Variants in GRIK3 observed in about 807,000 individuals in gnomAD.
GRIK3 encodes the protein glutamate ionotropic receptor kainate type subunit 3.
GRIK3 carries 29 observed loss-of-function variants against 102.5 expected under a neutral mutation model. That is an observed-to-expected ratio of 0.28 (90% CI 0.21 to 0.39). GRIK3 has a LOEUF of 0.39. Among genes scored for constraint, GRIK3 ranks in the 10% least tolerant of loss-of-function variants. The probability of loss-of-function intolerance (pLI) is 1.00; values close to 1 mark genes in which losing one functional copy is unlikely to be tolerated. For synonymous variants in GRIK3, 511 were observed against 504.9 expected (o/e 1.01, Z -0.16); for missense variants, 908 against 1,252.4 (o/e 0.73, Z 4.15).
chr1:36,864,876 C>A (rs1460761709), intron 5 of GRIK3, among the ~76,000 whole-genome samples: 1 of 151,628 alleles, frequency 6.6e-6, no homozygotes, highest in African/African-American at 2.4e-5. Flanking sequence ...CTGCCCAGGG[C>A]CAAGACCCCA....
rs1641691100 is a variant in GRIK3, at chr1:36,939,107, C to T, written c.116-48011G>A. On this transcript the variant is annotated intron_variant, in intron 1 of 15. Coordinates refer to ENST00000373091, the MANE Select transcript of GRIK3 (RefSeq NM_000831.4). ...GAGTCAGTAAATATCACTACTGACA[C>T]ATCAGCTACTTGATACGAGGCTTCT... Among the ~76,000 whole-genome samples, 4 of 152,204 alleles carry T rather than the reference C, an allele frequency of 2.6e-5. No homozygotes were observed. In the South Asian group the frequency reaches 8.3e-4, roughly 32 times the overall value.
intron 1 of GRIK3, among the ~76,000 whole-genome samples, chr1:36,905,802 A>G (rs546413228): frequency 6.6e-6 from 1 of 152,330 alleles, no homozygotes; most frequent in African/African-American, 2.4e-5. Context: ...ACACACAAAA[A>G]ACAAAAAAAG....
rs140018333 is a variant in GRIK3, at chr1:36,810,019, C to T, written c.2092-3693G>A. 6.9e-3 allele frequency among the ~76,000 whole-genome samples: 1,051 copies of T among 152,292 alleles called. 7 individuals carry two copies. The highest frequency in any genetic ancestry group is 0.031 in the Middle Eastern group (9 of 294). ...GGTCCCCACTGTCCTTGTCTTCTGTCTTGGGGCCCCCCTTCTCAACCCCAT... is the reference window on the plus strand; with the variant it reads ...GGTCCCCACTGTCCTTGTCTTCTGTTTTGGGGCCCCCCTTCTCAACCCCAT... On this transcript the variant is annotated intron_variant, in intron 13 of 15. Transcript: ENST00000373091.
chr1:36,824,222 C>A (rs1642728421), intron 11 of GRIK3, among the ~76,000 whole-genome samples: 1 of 152,132 alleles, frequency 6.6e-6, no homozygotes, highest in Non-Finnish European at 1.5e-5. Context: ...GGGGATGGGA[C>A]ACACATCAAA....
At chr1:36,814,487 G>A (rs1642598445) in intron 13 of GRIK3, among the ~76,000 whole-genome samples, 1 of 148,788 alleles carries the variant, frequency 6.7e-6, no homozygotes, top group African/African-American at 2.5e-5. Flanking sequence ...ATGCATGCAT[G>A]GACCATTATA....
intron 1 of GRIK3, among the ~76,000 whole-genome samples, chr1:36,925,139 A>G (rs1241539846): frequency 6.6e-6 from 1 of 152,216 alleles, no homozygotes; most frequent in East Asian, 1.9e-4. Flanking sequence ...CTACCCTGAC[A>G]TACATTCACC....
chr1:36,912,392 A>G (rs1185252829), intron 1 of GRIK3, among the ~76,000 whole-genome samples: 2 of 151,992 alleles, frequency 1.3e-5, no homozygotes, highest in Non-Finnish European at 2.9e-5. Context: ...GATTCTATGC[A>G]GTTTCTCAAT....
chr1:36,975,175 TA>T (rs1221863559), intron 1 of GRIK3, among the ~76,000 whole-genome samples: 1 of 151,876 alleles, frequency 6.6e-6, no homozygotes, highest in East Asian at 1.9e-4. Flanking sequence ...GGTATCACAA[TA>T]AAACATTTTT....
At chr1:36,874,297 C>T (rs1640888253) in intron 3 of GRIK3, among the ~76,000 whole-genome samples, 1 of 152,182 alleles carries the variant, frequency 6.6e-6, no homozygotes, top group African/African-American at 2.4e-5. Context: ...TCCATCATCT[C>T]ACTTTGCTTC....
At chr1:36,899,831 A>G (rs1641215696) in intron 1 of GRIK3, among the ~76,000 whole-genome samples, 1 of 152,234 alleles carries the variant, frequency 6.6e-6, no homozygotes, top group Non-Finnish European at 1.5e-5. Flanking sequence ...GAGAAGCATT[A>G]CATAATGATG....
intron 7 of GRIK3, among the ~76,000 whole-genome samples, chr1:36,854,222 G>A (rs193065347): frequency 1.3e-5 from 2 of 152,304 alleles, no homozygotes; most frequent in African/African-American, 4.8e-5. Context: ...GAACTCTGGC[G>A]TCTGAATGCT....
intron 7 of GRIK3, among the ~76,000 whole-genome samples, chr1:36,855,067 G>A (rs1033353824): frequency 6.6e-6 from 1 of 152,186 alleles, no homozygotes; most frequent in African/African-American, 2.4e-5. Context: ...CACACATCCT[G>A]GAGTCCTTGG....
chr1:36,957,429 C>A (rs12411256), intron 1 of GRIK3, among the ~76,000 whole-genome samples: 205 of 36,820 alleles, frequency 5.6e-3, no homozygotes, highest in Non-Finnish European at 7.7e-3. Flanking sequence ...CCCCATGAGC[C>A]TCTGTGCTCT....
At chr1:36,949,574 C>CTTTTTTTTTTTTTTTTTT (rs60157852) in intron 1 of GRIK3, among the ~76,000 whole-genome samples, 5 of 99,666 alleles carry the variant, frequency 5.0e-5, no homozygotes, top group African/African-American at 1.6e-4. Flanking sequence ...CTCTCTCTTT[C>CTTTTTTTTTTTTTTTTTT]TTTTTTTTTT....
intron 1 of GRIK3, among the ~76,000 whole-genome samples, chr1:37,022,539 T>C (rs1047633904): frequency 5.9e-5 from 9 of 152,208 alleles, no homozygotes; most frequent in African/African-American, 2.2e-4. Context: ...CCCACAAATA[T>C]TCCAGCTCTG....
intron 1 of GRIK3, among the ~76,000 whole-genome samples, chr1:36,968,009 C>T (rs923259460): frequency 6.6e-6 from 1 of 152,196 alleles, no homozygotes; most frequent in African/African-American, 2.4e-5. Context: ...GTGTTTGCCA[C>T]TAGGCCCTCT....
At chr1:36,938,358 A>C (rs188344654) in intron 1 of GRIK3, among the ~76,000 whole-genome samples, 2 of 152,320 alleles carry the variant, frequency 1.3e-5, no homozygotes, top group Admixed American at 1.3e-4. Context: ...CTTTCAGCAG[A>C]ATCCAGCACC....
chr1:36,983,674 A>G (rs1192069935), intron 1 of GRIK3, among the ~76,000 whole-genome samples: 1 of 152,030 alleles, frequency 6.6e-6, no homozygotes, highest in Non-Finnish European at 1.5e-5. Context: ...ACTCTATCCC[A>G]TGATGCTCAT....
chr1:36,937,716 T>A (rs1419522999), intron 1 of GRIK3, among the ~76,000 whole-genome samples: 1 of 152,174 alleles, frequency 6.6e-6, no homozygotes, highest in Non-Finnish European at 1.5e-5. Flanking sequence ...AAACGAACTC[T>A]TTGGAAACAG....
Sources: allele counts gnomAD v4.1 joint callset (sites outside exome capture counted in the v4.1 genomes callset), GRCh38; gene constraint gnomAD v4.1.1; transcripts MANE v1.5; gene names NCBI Gene and HGNC (gene_info 2026-07-23, HGNC 2026-07-21).